RFX4: variants seen among roughly 807,000 people sequenced by gnomAD.
RFX4 encodes the protein regulatory factor X4.
In RFX4, 10 loss-of-function variants were observed where a neutral mutation model predicts 95.0. The observed-to-expected ratio is 0.11, with a 90% confidence interval of 0.06 to 0.18. The LOEUF (loss-of-function observed/expected upper bound fraction) is 0.18. RFX4 is among the 10% of genes least tolerant of loss of function. The probability of loss-of-function intolerance (pLI) is 1.00; values close to 1 mark genes in which losing one functional copy is unlikely to be tolerated. For missense variants in RFX4, 640 were observed against 922.0 expected, an observed-to-expected ratio of 0.69 and a Z score of 3.96; for synonymous variants, 321 against 340.7, an observed-to-expected ratio of 0.94 and a Z score of 0.64.
intron 4 of RFX4, among the ~76,000 whole-genome samples, chr12:106,676,357 G>A (rs1363738174): frequency 6.6e-6 from 1 of 152,164 alleles, no homozygotes; most frequent in Non-Finnish European, 1.5e-5. Flanking sequence ...AGAACCTCGA[G>A]TTCATGGAAG....
chr12:106,709,849 G>A (rs1205999496), intron 9 of RFX4, among the ~76,000 whole-genome samples: 1 of 152,186 alleles, frequency 6.6e-6, no homozygotes, highest in African/African-American at 2.4e-5. Context: ...CCACACAGCT[G>A]TAAGTAGGGG....
At position 106,750,772 on chromosome 12, in the gene RFX4, T is replaced by C. The variant is rs755363871; in HGVS notation, c.1914T>C (p.Pro638=). The change falls in exon 17 of 18, where the codon CCT becomes CCC. Residue 638 remains proline (P), a synonymous_variant. Transcript: ENST00000392842. ...TAISGPLHYA[P]YHRSSAQYPF... The stretch of plus-strand genomic sequence containing the variant: ...TCTCTGGGCCACTCCACTATGCCCC[T>C]TACCACAGGAGCTCTGCACAGGTGA... The C allele has an allele frequency of 6.2e-7, 1 of 1,603,602 alleles. No individual in the cohort carries two copies. Among genetic ancestry groups the C allele is most frequent in the East Asian group, 2.3e-5 (1 of 44,312 alleles).
intron 2 of RFX4, among the ~76,000 whole-genome samples, chr12:106,630,805 T>TTCTG: frequency 6.6e-6 from 1 of 152,222 alleles, no homozygotes; most frequent in Non-Finnish European, 1.5e-5. Context: ...TGGAATAGAT[T>TTCTG]CCCAAATGTG....
intron 17 of RFX4, among the ~76,000 whole-genome samples, chr12:106,760,339 A>C (rs1185670974): frequency 6.6e-6 from 1 of 152,154 alleles, no homozygotes; most frequent in African/African-American, 2.4e-5. Context: ...GCTTATTTGC[A>C]TAGCTGTCTT....
At chr12:106,709,496 AGTT>A (rs1413445672) in intron 9 of RFX4, 66 bp downstream of exon 9, 1 of 1,216,914 alleles carries the variant, frequency 8.2e-7, no homozygotes, top group Non-Finnish European at 1.2e-6. Context: ...ATTTTACATA[AGTT>A]GTTAATAGTA....
At chr12:106,609,648 A>T (rs1445766977) in intron 2 of RFX4, among the ~76,000 whole-genome samples, 1 of 152,156 alleles carries the variant, frequency 6.6e-6, no homozygotes, top group Non-Finnish European at 1.5e-5. Context: ...CTTAGCTGGC[A>T]TTGTCATTCT....
Position 106,635,558 on chromosome 12 carries a change from C to T in RFX4, c.131-3774C>T, listed in dbSNP as rs764122626. On this transcript the variant is annotated intron_variant, in intron 2 of 17. Transcript: ENST00000392842. ...AAACTCCTGGCCTCAAGTGATCTGC[C>T]CCCCTCCGCCTCCCAAAGTGCTAGG... Among the ~76,000 whole-genome samples, 7 of 152,204 alleles carry T rather than the reference C, an allele frequency of 4.6e-5. No individual in the cohort carries two copies. The South Asian group carries it at 1.5e-3, about 32-fold the overall frequency.
At chr12:106,655,324 T>G (rs1011143307) in intron 4 of RFX4, among the ~76,000 whole-genome samples, 2 of 152,220 alleles carry the variant, frequency 1.3e-5, no homozygotes, top group African/African-American at 4.8e-5. Context: ...TTGATTAACA[T>G]GATTTCTCCA....
chr12:106,674,668 G>A (rs2041357072), intron 4 of RFX4, among the ~76,000 whole-genome samples: 1 of 152,088 alleles, frequency 6.6e-6, no homozygotes, highest in South Asian at 2.1e-4. Flanking sequence ...CCCTACTTTT[G>A]TGTTCCCCTC....
chr12:106,666,902 G>A (rs1215892143), intron 4 of RFX4, among the ~76,000 whole-genome samples: 1 of 151,736 alleles, frequency 6.6e-6, no homozygotes, highest in Non-Finnish European at 1.5e-5. Context: ...GCCTTGTCTG[G>A]TTCTGAGCCT....
At chr12:106,654,858 T>C (rs897943313) in intron 4 of RFX4, among the ~76,000 whole-genome samples, 5 of 152,210 alleles carry the variant, frequency 3.3e-5, no homozygotes, top group Admixed American at 3.3e-4. Flanking sequence ...AAAAAATTGT[T>C]AGCAGTGATC....
chr12:106,708,323 C>A (rs1363878751), intron 8 of RFX4, among the ~76,000 whole-genome samples: 1 of 150,670 alleles, frequency 6.6e-6, no homozygotes, highest in Non-Finnish European at 1.5e-5. Context: ...GACGTCCTTC[C>A]TTTGTGTGTG....
At chr12:106,739,537 C>T (rs887737862) in intron 15 of RFX4, among the ~76,000 whole-genome samples, 5 of 152,142 alleles carry the variant, frequency 3.3e-5, no homozygotes, top group African/African-American at 1.2e-4. Context: ...AACAGTCACT[C>T]TGCTTATCTG....
chr12:106,633,336 C>T (rs1010379186), intron 2 of RFX4, among the ~76,000 whole-genome samples: 13 of 152,272 alleles, frequency 8.5e-5, no homozygotes, highest in Middle Eastern at 3.4e-3. Context: ...AGCTACATGG[C>T]CTCATGCAAT....
At position 106,686,925 on chromosome 12, in the gene RFX4, A is replaced by G. The variant is rs2041665584; in HGVS notation, c.419A>G (p.Tyr140Cys). ...ATTGCAGTGAAAGAAAGCTCCCAAT[A>G]TTATGATGTGATGTATTCCAAGAAA... The part of the protein sequence containing the change: ...YGIAVKESSQ[Y>C]YDVMYSKKGA... Residue 140 changes from tyrosine (Y) to cysteine (C), a missense_variant, in exon 6 of 18, where the codon TAT (tyrosine) becomes TGT (cysteine). Transcript: ENST00000392842. The G allele has an allele frequency of 6.2e-7, 1 of 1,613,248 alleles. No individual in the cohort carries two copies. Among genetic ancestry groups the G allele is most frequent in the Non-Finnish European group, 8.5e-7 (1 of 1,179,914 alleles).
chr12:106,740,794 G>A (rs1047918860), intron 15 of RFX4, among the ~76,000 whole-genome samples: 17 of 141,442 alleles, frequency 1.2e-4, no homozygotes, highest in African/African-American at 4.7e-4. Flanking sequence ...AAGTGGGGAC[G>A]CATCTTAGTT....
At chr12:106,612,609 A>G (rs1220036900) in intron 2 of RFX4, among the ~76,000 whole-genome samples, 1 of 152,122 alleles carries the variant, frequency 6.6e-6, no homozygotes, top group African/African-American at 2.4e-5. Flanking sequence ...AGGCCGAGGG[A>G]GGTGGATCAC....
chr12:106,696,245 G>A lies in RFX4; in HGVS notation c.670-38G>A, dbSNP rs375475959. On this transcript the variant is annotated intron_variant, in intron 7 of 17. Coordinates refer to ENST00000392842, the MANE Select transcript of RFX4 (RefSeq NM_213594.3). ...CCAAGCTTCTGTTGGGAGGGCCCTG[G>A]GTAACCTCATGATTCTTCTCTCTGT... 6 of 1,611,356 alleles carry A rather than the reference G, an allele frequency of 3.7e-6. No individual in the cohort carries two copies. The African/African-American group carries it at 6.7e-5, about 18-fold the overall frequency.
chr12:106,719,078 C>T (rs1432735827), intron 11 of RFX4, among the ~76,000 whole-genome samples: 2 of 151,834 alleles, frequency 1.3e-5, no homozygotes, highest in Non-Finnish European at 2.9e-5. Context: ...GCCGAGATTG[C>T]GCCACTGCAC....
Sources: allele counts gnomAD v4.1 joint callset (sites outside exome capture counted in the v4.1 genomes callset), GRCh38; gene constraint gnomAD v4.1.1; transcripts MANE v1.5; gene names NCBI Gene and HGNC (gene_info 2026-07-23, HGNC 2026-07-21).